The following NECTIN3 variants were observed in gnomAD, a reference collection of about 807,000 sequenced individuals.
NECTIN3 encodes nectin-3.
In NECTIN3, 8 loss-of-function variants were observed where a neutral mutation model predicts 49.4. The ratio of observed to expected loss-of-function variants is 0.16; its 90% CI spans 0.10 to 0.29. The LOEUF (loss-of-function observed/expected upper bound fraction) is 0.29. NECTIN3 is among the 10% of genes least tolerant of loss of function. The probability of loss-of-function intolerance (pLI) is 1.00; values close to 1 mark genes in which losing one functional copy is unlikely to be tolerated. For synonymous variants in NECTIN3, 277 were observed against 241.1 expected (o/e 1.15, Z -1.38); for missense variants, 581 against 654.6 (o/e 0.89, Z 1.23).
At chr3:111,100,182 A>G (rs2032821025) in intron 1 of NECTIN3, among the ~76,000 whole-genome samples, 1 of 152,134 alleles carries the variant, frequency 6.6e-6, no homozygotes, top group Non-Finnish European at 1.5e-5. Flanking sequence ...TTTTTGGATT[A>G]TTAATGAATG....
chr3:111,124,497 T>G (rs1485365890), intron 4 of NECTIN3, among the ~76,000 whole-genome samples: 1 of 152,234 alleles, frequency 6.6e-6, no homozygotes, highest in Non-Finnish European at 1.5e-5. Context: ...CATATATAGT[T>G]TATTTTCATT....
intron 1 of NECTIN3, among the ~76,000 whole-genome samples, chr3:111,091,525 A>G (rs79584853): frequency 0.013 from 2,036 of 152,300 alleles, 48 homozygotes; most frequent in African/African-American, 0.047. Context: ...TGTTGGGATT[A>G]TAACAGGCGT....
intron 1 of NECTIN3, among the ~76,000 whole-genome samples, chr3:111,102,779 G>A (rs1432759675): frequency 3.3e-5 from 5 of 151,848 alleles, no homozygotes; most frequent in Non-Finnish European, 7.4e-5. Flanking sequence ...TTGTAGTTTT[G>A]CATTTTATAC....
intron 1 of NECTIN3, among the ~76,000 whole-genome samples, chr3:111,110,457 A>G (rs1018483735): frequency 7.2e-5 from 11 of 152,032 alleles, no homozygotes; most frequent in African/African-American, 2.7e-4. Flanking sequence ...GTCTAAAAAT[A>G]TCCTTTTGTT....
intron 1 of NECTIN3, among the ~76,000 whole-genome samples, chr3:111,097,984 G>C (rs1013396367): frequency 1.3e-5 from 2 of 152,132 alleles, no homozygotes; most frequent in Non-Finnish European, 1.5e-5. Context: ...TCTTCCTTGA[G>C]TTACATTACT....
intron 5 of NECTIN3, 21 bp from the exon 6 acceptor site, chr3:111,133,611 CTCT>C: frequency 6.3e-7 from 1 of 1,596,592 alleles, no homozygotes. Flanking sequence ...TCTGTGTCTT[CTCT>C]ATCTTTACTG....
At chr3:111,072,204 G>C (rs201846100) in intron 1 of NECTIN3, 27 bp downstream of exon 1, 15,662 of 1,529,310 alleles carry the variant, frequency 0.01, 91 homozygotes, top group Middle Eastern at 0.018. Flanking sequence ...GGCCGGCGTG[G>C]GCTGAGGGAG....
chr3:111,145,741 CTG>C (rs1395605690), intron 6 of NECTIN3, among the ~76,000 whole-genome samples: 2 of 152,274 alleles, frequency 1.3e-5, no homozygotes, highest in Admixed American at 1.3e-4. Flanking sequence ...ATTTTATAAA[CTG>C]TGAAGCTCTT....
upstream of NECTIN3, among the ~76,000 whole-genome samples, chr3:111,188,303 G>A (rs1190111500): frequency 6.6e-6 from 1 of 152,150 alleles, no homozygotes; most frequent in Non-Finnish European, 1.5e-5. Context: ...GTTCCCTAAT[G>A]CAGGGCCTTT....
At chr3:111,146,103 G>A (rs976965451) in intron 6 of NECTIN3, among the ~76,000 whole-genome samples, 2 of 152,148 alleles carry the variant, frequency 1.3e-5, no homozygotes, top group Non-Finnish European at 2.9e-5. Flanking sequence ...TGCTCTTTCA[G>A]TATAATACTT....
At chr3:111,128,311 G>A (rs543752958) in intron 5 of NECTIN3, among the ~76,000 whole-genome samples, 4 of 145,048 alleles carry the variant, frequency 2.8e-5, no homozygotes, top group Admixed American at 7.0e-5. Flanking sequence ...ATGACAGAGC[G>A]AAACTCTGTC....
chr3:111,116,358 A>G (rs1403247562), intron 2 of NECTIN3, among the ~76,000 whole-genome samples: 2 of 152,304 alleles, frequency 1.3e-5, no homozygotes, highest in South Asian at 2.1e-4. Context: ...TCCTAAGGAC[A>G]GCACTTAGCT....
At chr3:111,095,827 G>A (rs1559774194) in intron 1 of NECTIN3, among the ~76,000 whole-genome samples, 3 of 152,164 alleles carry the variant, frequency 2.0e-5, no homozygotes, top group Non-Finnish European at 4.4e-5. Flanking sequence ...CTGTGATTGT[G>A]AGGCTTCCCC....
At chr3:111,108,223 A>ATTT (rs10576910) in intron 1 of NECTIN3, among the ~76,000 whole-genome samples, 45 of 136,422 alleles carry the variant, frequency 3.3e-4, no homozygotes, top group African/African-American at 1.1e-3. Context: ...CCACTTCTAA[A>ATTT]TTTTTTTTTT....
intron 1 of NECTIN3, among the ~76,000 whole-genome samples, chr3:111,082,044 G>A (rs1165864538): frequency 6.6e-6 from 1 of 152,214 alleles, no homozygotes; most frequent in African/African-American, 2.4e-5. Context: ...GGATTACAGA[G>A]ATAAATGACA....
chr3:111,135,731 A>G lies in NECTIN3; in HGVS notation c.*1516A>G. ...CCCTTTCTCAATATTCATCAAATCT[A>G]AAACATTTAGGGGGCAAAATTCTAA... On this transcript the variant is annotated 3_prime_UTR_variant, in exon 6 of 6. Transcript: ENST00000485303. 1 of 963,080 alleles carries G rather than the reference A, an allele frequency of 1.0e-6. No individual in the cohort carries two copies. Among genetic ancestry groups the G allele is most frequent in the Non-Finnish European group, 1.2e-6 (1 of 809,896 alleles). The allele number at this position is 963,080 out of a possible 1,614,324, so 59.7% of individuals were successfully genotyped here.
chr3:111,181,016 CAA>C (rs1212159564), intron 7 of NECTIN3, among the ~76,000 whole-genome samples: 1 of 152,008 alleles, frequency 6.6e-6, no homozygotes, highest in East Asian at 1.9e-4. Flanking sequence ...ATAGCCTTGC[CAA>C]ATATGTACAT....
At chr3:111,172,885 A>T (rs1263905342) in intron 7 of NECTIN3, among the ~76,000 whole-genome samples, 1 of 152,210 alleles carries the variant, frequency 6.6e-6, no homozygotes, top group Non-Finnish European at 1.5e-5. Flanking sequence ...GTTTGAGCTA[A>T]ACATGAGATT....
chr3:111,151,791 G>A (rs1055072688), intron 7 of NECTIN3, among the ~76,000 whole-genome samples: 9 of 151,832 alleles, frequency 5.9e-5, no homozygotes, highest in African/African-American at 2.2e-4. Context: ...GAGAAAGAAT[G>A]TTTTTACATT....
Sources: gnomAD v4.1 joint callset for allele counts (sites outside exome capture counted in the v4.1 genomes callset) on GRCh38, gnomAD v4.1.1 for gene constraint, MANE v1.5 for transcripts, NCBI Gene and HGNC (gene_info 2026-07-23, HGNC 2026-07-21) for gene names.